Variants in PLA2G4A observed in about 807,000 individuals in gnomAD.
The protein encoded by PLA2G4A is phospholipase A2 group IVA.
PLA2G4A carries 40 observed loss-of-function variants against 81.9 expected under a neutral mutation model. That is an observed-to-expected ratio of 0.49 (90% CI 0.38 to 0.64). PLA2G4A has a LOEUF of 0.64. PLA2G4A is among the 30% of genes least tolerant of loss of function. The pLI, the probability that PLA2G4A is intolerant of heterozygous loss-of-function variation, is 0.00. For missense variants in PLA2G4A, 715 were observed against 905.1 expected (o/e 0.79, Z 2.69); for synonymous variants, 302 against 296.9 (o/e 1.02, Z -0.18).
chr1:186,921,262 T>G (rs1655340932), intron 7 of PLA2G4A, among the ~76,000 whole-genome samples: 1 of 152,222 alleles, frequency 6.6e-6, no homozygotes, highest in East Asian at 1.9e-4. Flanking sequence ...CTGTAGCCAC[T>G]TAGTTGCCAC....
chr1:186,988,662 C>A lies in PLA2G4A; in HGVS notation c.*154C>A. 1 of 638,724 alleles carries A rather than the reference C, an allele frequency of 1.6e-6. No homozygotes were observed. Among genetic ancestry groups the A allele is most frequent in the Non-Finnish European group, 2.9e-6 (1 of 348,298 alleles). 39.6% of individuals were successfully genotyped at this position (638,724 alleles called of 1,614,324 possible). On this transcript the variant is annotated 3_prime_UTR_variant, in exon 18 of 18. Transcript: ENST00000367466. ...GTTACTTAGCTGCATGAGAATAATA[C>A]TATTATAAGTTAGGTTGACAAATGA... is the stretch of plus-strand genomic sequence containing the variant.
intron 7 of PLA2G4A, among the ~76,000 whole-genome samples, chr1:186,924,389 T>C (rs1655470879): frequency 6.6e-6 from 1 of 152,202 alleles, no homozygotes; most frequent in Admixed American, 6.5e-5. Context: ...TACCTAACCT[T>C]GCAGATGCAA....
intron 7 of PLA2G4A, among the ~76,000 whole-genome samples, chr1:186,926,109 A>G (rs767525280): frequency 6.6e-6 from 1 of 152,196 alleles, no homozygotes; most frequent in Non-Finnish European, 1.5e-5. Context: ...TGAGTTAGAA[A>G]TTTATGTAGG....
At chr1:186,912,774 ATATG>A (rs1240431759) in intron 7 of PLA2G4A, among the ~76,000 whole-genome samples, 6 of 137,616 alleles carry the variant, frequency 4.4e-5, no homozygotes, top group African/African-American at 1.8e-4. Context: ...AAGTATATAT[ATATG>A]TATACTTATA....
chr1:186,942,163 A>T (rs1241705352), intron 10 of PLA2G4A, among the ~76,000 whole-genome samples: 17 of 152,298 alleles, frequency 1.1e-4, no homozygotes, highest in South Asian at 2.1e-4. Context: ...GGAACCACAC[A>T]TCTTGGGCTA....
intron 10 of PLA2G4A, among the ~76,000 whole-genome samples, chr1:186,944,169 G>T (rs1321633510): frequency 1.7e-4 from 26 of 152,128 alleles, no homozygotes; most frequent in Admixed American, 1.7e-3. Flanking sequence ...GGTAAGTATA[G>T]TGGGAGGAGA....
At position 186,942,643 on chromosome 1, in the gene PLA2G4A, C is replaced by T. The variant is rs370736517; in HGVS notation, c.1033+2549C>T. On this transcript the variant is annotated intron_variant, in intron 10 of 17. Transcript: ENST00000367466. The stretch of plus-strand genomic sequence containing the variant: ...CTTTTCACGGTGGTTATATTTTATT[C>T]TGAATTTTTAGTCAATAGCCATTTT... Among the ~76,000 whole-genome samples the T allele has an allele frequency of 2.6e-5, 4 of 151,582 alleles. No homozygotes were observed. The South Asian group carries it at 6.3e-4, about 24-fold the overall frequency.
chr1:186,934,345 T>G (rs1187812209), intron 8 of PLA2G4A, among the ~76,000 whole-genome samples: 1 of 151,378 alleles, frequency 6.6e-6, no homozygotes, highest in Non-Finnish European at 1.5e-5. Flanking sequence ...AGAGATATAG[T>G]CATTGCTTTG....
intron 3 of PLA2G4A, among the ~76,000 whole-genome samples, chr1:186,878,248 G>A (rs10737273): frequency 0.54 from 18,447 of 34,396 alleles, 5,304 homozygotes; most frequent in Non-Finnish European, 0.56. Flanking sequence ...ATATAAATAT[G>A]TCTTTTCTGA....
chr1:186,883,465 G>A (rs10911945), intron 3 of PLA2G4A, among the ~76,000 whole-genome samples: 12,369 of 152,114 alleles, frequency 0.081, 681 homozygotes, highest in African/African-American at 0.14. Context: ...CATGTGATAT[G>A]AGGGGTGCAT....
intron 17 of PLA2G4A, among the ~76,000 whole-genome samples, chr1:186,984,872 C>T (rs1202948302): frequency 6.6e-6 from 1 of 151,950 alleles, no homozygotes; most frequent in Non-Finnish European, 1.5e-5. Flanking sequence ...AATATTTTCC[C>T]CCAAATATTT....
chr1:186,891,786 A>G (rs548924191), intron 3 of PLA2G4A, among the ~76,000 whole-genome samples: 2 of 152,294 alleles, frequency 1.3e-5, no homozygotes, highest in African/African-American at 4.8e-5. Flanking sequence ...TCTTCAGTAT[A>G]CTGATTCCTT....
At chr1:186,889,145 ACCTTATCAT>A (rs904278401) in intron 3 of PLA2G4A, among the ~76,000 whole-genome samples, 6 of 152,060 alleles carry the variant, frequency 3.9e-5, no homozygotes, top group African/African-American at 1.4e-4. Flanking sequence ...GGCCCATTTC[ACCTTATCAT>A]CCTTCCCACT....
chr1:186,927,941 C>G (rs1474761708), intron 7 of PLA2G4A, among the ~76,000 whole-genome samples: 1 of 152,150 alleles, frequency 6.6e-6, no homozygotes, highest in East Asian at 1.9e-4. Context: ...TTTGTGCTAT[C>G]AATCTTTATT....
chr1:186,930,090 A>C (rs1392330764), intron 7 of PLA2G4A, among the ~76,000 whole-genome samples: 1 of 152,104 alleles, frequency 6.6e-6, no homozygotes, highest in Non-Finnish European at 1.5e-5. Flanking sequence ...GAGAGACCCT[A>C]TCTCAAAAAC....
chr1:186,892,700 TATC>T (rs1210677894), intron 3 of PLA2G4A, among the ~76,000 whole-genome samples: 1 of 152,212 alleles, frequency 6.6e-6, no homozygotes, highest in African/African-American at 2.4e-5. Flanking sequence ...GTGACATTGT[TATC>T]ATCCTGTAGT....
intron 14 of PLA2G4A, among the ~76,000 whole-genome samples, chr1:186,959,277 G>A (rs531448514): frequency 1.3e-5 from 2 of 152,076 alleles, no homozygotes; most frequent in South Asian, 2.1e-4. Flanking sequence ...CCACCTTGTC[G>A]ACTCCTTTCT....
At chr1:186,897,507 T>C (rs1221838719) in intron 5 of PLA2G4A, among the ~76,000 whole-genome samples, 1 of 152,090 alleles carries the variant, frequency 6.6e-6, no homozygotes, top group Non-Finnish European at 1.5e-5. Flanking sequence ...TTTATTTTTA[T>C]TTTTATTTAT....
At chr1:186,920,270 C>G (rs1203024206) in intron 7 of PLA2G4A, among the ~76,000 whole-genome samples, 2 of 152,154 alleles carry the variant, frequency 1.3e-5, no homozygotes, top group African/African-American at 4.8e-5. Flanking sequence ...CTAAGCAAGT[C>G]TCTTCCCAGC....
Sources: gnomAD v4.1 joint callset for allele counts (sites outside exome capture counted in the v4.1 genomes callset) on GRCh38, gnomAD v4.1.1 for gene constraint, MANE v1.5 for transcripts, NCBI Gene and HGNC (gene_info 2026-07-23, HGNC 2026-07-21) for gene names.